NBEAL1: variants seen among roughly 807,000 people sequenced by gnomAD.
NBEAL1 encodes neurobeachin-like protein 1.
In NBEAL1, 273 loss-of-function variants were observed where a neutral mutation model predicts 351.3. That is an observed-to-expected ratio of 0.78 (90% CI 0.70 to 0.86). NBEAL1 has a LOEUF of 0.86. Ranked by LOEUF, NBEAL1 falls within the 40% of genes least tolerant of loss-of-function variation. The pLI is 0.00. For synonymous variants in NBEAL1, 1,050 were observed against 1,086.4 expected (o/e 0.97, Z 0.66); for missense variants, 2,961 against 3,201.3 (o/e 0.92, Z 1.81).
In NBEAL1 at chr2:203,113,178, A is replaced by T; in HGVS notation, c.2366A>T (p.Lys789Ile). The T allele has an allele frequency of 1.3e-6, 2 of 1,552,060 alleles. No individual in the cohort carries two copies. Among genetic ancestry groups the T allele is most frequent in the Non-Finnish European group, 1.7e-6 (2 of 1,147,004 alleles). ...TGGGGAGGAACAATTGAAAAATCAA[A>T]ATTGATTACCAAATTGATATCAGCT... ...ASWGGTIEKS[K>I]LITKLISAGT... The change falls in exon 17 of 56, where the codon AAA becomes ATA. Residue 789 changes from lysine (K) to isoleucine (I), a missense_variant. Transcript: ENST00000683969.
chr2:203,174,843 A>G (rs1170560778), intron 41 of NBEAL1, among the ~76,000 whole-genome samples: 1 of 150,096 alleles, frequency 6.7e-6, no homozygotes, highest in Non-Finnish European at 1.5e-5. Context: ...GTGAGCCGAG[A>G]GCGAGACTCT....
At chr2:203,092,185 G>C (rs1428464319) in intron 10 of NBEAL1, among the ~76,000 whole-genome samples, 3 of 152,026 alleles carry the variant, frequency 2.0e-5, no homozygotes. Context: ...GCAGAAATAT[G>C]GTTAAGGTTC....
chr2:203,136,359 A>G, intron 28 of NBEAL1, 107 bp downstream of exon 28: 2 of 915,594 alleles, frequency 2.2e-6, no homozygotes, highest in Non-Finnish European at 3.2e-6. Context: ...TATTGTATTC[A>G]TGTTCTAAGT....
intron 6 of NBEAL1, chr2:203,061,976 T>G: frequency 3.4e-6 from 1 of 293,696 alleles, no homozygotes; most frequent in Non-Finnish European, 6.5e-6. Flanking sequence ...CCACATTGTT[T>G]ACATTTATAT....
rs897350514 is a variant in NBEAL1, at chr2:203,223,547, A to C, written c.*6193A>C. On this transcript the variant is annotated 3_prime_UTR_variant, in exon 56 of 56. Transcript: ENST00000683969. ...TAATGCTGTTACAATGTAGCATTGT[A>C]ATGTAAGATGAAGAAAAATTAGGAT... Among the ~76,000 whole-genome samples, 5 of 152,082 alleles carry C rather than the reference A, an allele frequency of 3.3e-5. No homozygotes were observed. The highest frequency in any genetic ancestry group is 3.3e-4 in the Admixed American group (5 of 15,250).
In NBEAL1 at chr2:203,116,076, A is replaced by T. The variant is rs1197727407; in HGVS notation, c.2592+6A>T. ...TTCTTTACTACACAGCAAAGGTCAGAGTAAATTTGTGAACTGTCCATCTAG... is the reference window on the plus strand; with the variant it reads ...TTCTTTACTACACAGCAAAGGTCAGTGTAAATTTGTGAACTGTCCATCTAG... On this transcript the variant is annotated splice_donor_region_variant and intron_variant, in intron 18 of 55. Coordinates refer to ENST00000683969, the MANE Select transcript of NBEAL1 (RefSeq NM_001378026.1). 1 of 1,548,430 alleles carries T rather than the reference A, an allele frequency of 6.5e-7. No individual in the cohort carries two copies. The highest frequency in any genetic ancestry group is 8.7e-7 in the Non-Finnish European group (1 of 1,143,426).
intron 31 of NBEAL1, among the ~76,000 whole-genome samples, chr2:203,141,366 A>ATTT (rs71034219): frequency 1.2e-3 from 11 of 9,110 alleles, no homozygotes; most frequent in East Asian, 8.9e-3. Context: ...TATTATTATT[A>ATTT]TTTTTTTTTT....
chr2:203,023,774 C>T (rs2060807112), intron 2 of NBEAL1, among the ~76,000 whole-genome samples: 1 of 151,878 alleles, frequency 6.6e-6, no homozygotes. Flanking sequence ...GAAGAGAGGT[C>T]TGTGCTGGAA....
chr2:203,024,263 G>A lies in NBEAL1; in HGVS notation c.51+7828G>A, dbSNP rs527411401. Among the ~76,000 whole-genome samples, 129 of 151,778 alleles carry A rather than the reference G, an allele frequency of 8.5e-4. 2 individuals carry two copies. The South Asian group carries it at 0.026, about 31-fold the overall frequency. Reference sequence around the variant, plus strand: ...GTGTCAAATTCAACATGGCAGTCAAGAAAAGTATTACGGTCCGCATCTGGT... The same window carrying A: ...GTGTCAAATTCAACATGGCAGTCAAAAAAAGTATTACGGTCCGCATCTGGT... On this transcript the variant is annotated intron_variant, in intron 2 of 55. Coordinates refer to ENST00000683969, the MANE Select transcript of NBEAL1 (RefSeq NM_001378026.1).
At chr2:203,093,683 G>A (rs867460403) in intron 10 of NBEAL1, among the ~76,000 whole-genome samples, 5 of 152,064 alleles carry the variant, frequency 3.3e-5, no homozygotes, top group Middle Eastern at 3.4e-3. Context: ...GCGAAACCCC[G>A]TCTCTACTAA....
chr2:203,116,001 C>T lies in NBEAL1; in HGVS notation c.2523C>T (p.Ser841=). The change falls in exon 18 of 56, where the codon AGC becomes AGT. Residue 841 remains serine (S), a synonymous_variant. Transcript: ENST00000683969. ...AATTTTCAGGTCCAAATTGTTTAAGCCCTTGGAAGTGTCAAGAGTCTGACA... is the reference window on the plus strand; with the variant it reads ...AATTTTCAGGTCCAAATTGTTTAAGTCCTTGGAAGTGTCAAGAGTCTGACA... ...ALYLAGPNCL[S]PWKCQESDMA... 6.4e-7 allele frequency: 1 copy of T among 1,552,600 alleles called. No homozygotes were observed. The highest frequency in any genetic ancestry group is 1.2e-5 in the South Asian group (1 of 84,144).
At chr2:203,185,191 T>TTGTAGGCA (rs1324635283) in intron 44 of NBEAL1, among the ~76,000 whole-genome samples, 2 of 152,220 alleles carry the variant, frequency 1.3e-5, no homozygotes. Context: ...ATAGTCTTTA[T>TTGTAGGCA]TGTAGGCATG....
rs758563566 is a variant in NBEAL1, at chr2:203,144,566, T to C, written c.4849-34T>C. 5 of 1,562,012 alleles carry C rather than the reference T, an allele frequency of 3.2e-6. No homozygotes were observed. In the East Asian group the frequency reaches 9.0e-5, roughly 28 times the overall value. On this transcript the variant is annotated intron_variant, in intron 31 of 55. Coordinates refer to ENST00000683969, the MANE Select transcript of NBEAL1 (RefSeq NM_001378026.1). ...TGCTTTCACTAAATGTTTGCTTTAG[T>C]CTGCTCTTTCTCATCTAAACTGTTT...
intron 45 of NBEAL1, 131 bp downstream of exon 45, chr2:203,188,720 AT>A (rs2064985607): frequency 5.4e-6 from 3 of 554,498 alleles, no homozygotes; most frequent in Non-Finnish European, 9.6e-6. Flanking sequence ...TACTTGAAAG[AT>A]TAAGAGACTG....
intron 45 of NBEAL1, among the ~76,000 whole-genome samples, chr2:203,189,517 G>T (rs1013874413): frequency 6.6e-6 from 1 of 152,000 alleles, no homozygotes; most frequent in African/African-American, 2.4e-5. Context: ...CTCCTGAGTA[G>T]CTGGGAACTG....
Position 203,188,479 on chromosome 2 carries a change from A to T in NBEAL1, c.6713A>T (p.Glu2238Val), listed in dbSNP as rs1332109335. 1 of 1,547,208 alleles carries T rather than the reference A, an allele frequency of 6.5e-7. No individual in the cohort carries two copies. The highest frequency in any genetic ancestry group is 1.4e-5 in the African/African-American group (1 of 73,168). The change falls in exon 45 of 56, where the codon GAA (glutamate) becomes GTA (valine). Residue 2238 changes from glutamate to valine, a missense_variant. Coordinates refer to ENST00000683969, the MANE Select transcript of NBEAL1 (RefSeq NM_001378026.1). ...AATTTATTCTTTTTCTAGGAGTCTG[A>T]ATATGTTTCAGCTCATCTTCATGAA... is the stretch of plus-strand genomic sequence containing the variant. ...IYKHRKALES[E>V]YVSAHLHEWI...
chr2:203,151,325 C>T (rs2063646525), intron 34 of NBEAL1, 140 bp from the exon 35 acceptor site: 1 of 552,694 alleles, frequency 1.8e-6, no homozygotes, highest in Non-Finnish European at 2.8e-6. Context: ...GAATGAGACT[C>T]TGTCTCTGAA....
intron 44 of NBEAL1, 37 bp from the exon 45 acceptor site, chr2:203,188,435 A>G (rs2064974476): frequency 8.0e-3 from 4,881 of 610,818 alleles, no homozygotes; most frequent in Non-Finnish European, 0.012. Flanking sequence ...GTTGGAAGAT[A>G]TCTCTATATT....
Position 203,126,628 on chromosome 2 carries a change from GA to G in NBEAL1, c.3062del (p.Asn1021IlefsTer55). ...TACTAATTGAACAAGTATCATTAGA[GA>G]AAAATATGCAGCTCCTGCAACAAAT... ...QLLIEQVSLE[K>X]NMQLLQQMYQ... On this transcript the variant is annotated frameshift_variant, in exon 22 of 56. Transcript: ENST00000683969. LOFTEE classifies it high-confidence loss of function. The G allele has an allele frequency of 6.5e-7, 1 of 1,529,370 alleles. No individual in the cohort carries two copies. Among genetic ancestry groups the G allele is most frequent in the Non-Finnish European group, 8.8e-7 (1 of 1,138,388 alleles). The allele number at this position is 1,529,370 out of a possible 1,614,324, so 94.7% of individuals were successfully genotyped here. A position where few individuals can be genotyped will look rare whatever the true frequency, so the allele number is the denominator to read the frequency against.
Sources: allele counts gnomAD v4.1 joint callset (sites outside exome capture counted in the v4.1 genomes callset), GRCh38; gene constraint gnomAD v4.1.1; transcripts MANE v1.5; gene names NCBI Gene and HGNC (gene_info 2026-07-23, HGNC 2026-07-21).